The following PEBP4 variants were observed in gnomAD, a reference collection of about 807,000 sequenced individuals.
PEBP4 encodes the protein phosphatidylethanolamine binding protein 4.
Under a neutral mutation model 23.9 loss-of-function variants are expected in PEBP4, and 22 were observed. The ratio of observed to expected loss-of-function variants is 0.92; its 90% CI spans 0.66 to 1.31. The LOEUF (loss-of-function observed/expected upper bound fraction) is 1.31. PEBP4 is among the 40% of genes most tolerant of loss of function. PEBP4 has a pLI of 0.00. For missense variants in PEBP4, 324 were observed against 281.7 expected (o/e 1.15, Z -1.07); for synonymous variants, 112 against 99.3 (o/e 1.13, Z -0.76).
intron 4 of PEBP4, among the ~76,000 whole-genome samples, chr8:22,728,653 A>G (rs1804674083): frequency 1.4e-5 from 2 of 141,828 alleles, no homozygotes; most frequent in South Asian, 4.3e-4. Context: ...GCTGGAGTGC[A>G]GTGGTACGAT....
intron 4 of PEBP4, among the ~76,000 whole-genome samples, chr8:22,793,393 T>C (rs990153335): frequency 6.6e-5 from 10 of 151,548 alleles, no homozygotes; most frequent in African/African-American, 2.4e-4. Flanking sequence ...CAGCCTCCCA[T>C]GTAGCTGGGA....
intron 6 of PEBP4, among the ~76,000 whole-genome samples, chr8:22,718,017 C>G (rs1285551609): frequency 2.0e-5 from 3 of 152,196 alleles, no homozygotes; most frequent in African/African-American, 7.2e-5. Flanking sequence ...GACTTCCACT[C>G]AGGACCTGAA....
chr8:22,812,742 A>G (rs1390332334), intron 4 of PEBP4, among the ~76,000 whole-genome samples: 2 of 152,218 alleles, frequency 1.3e-5, no homozygotes, highest in Non-Finnish European at 2.9e-5. Flanking sequence ...TTCTGGATAT[A>G]TAGAAAATGA....
At chr8:22,738,861 A>G (rs1362969649) in intron 4 of PEBP4, among the ~76,000 whole-genome samples, 1 of 152,102 alleles carries the variant, frequency 6.6e-6, no homozygotes, top group African/African-American at 2.4e-5. Context: ...ATGCACACAC[A>G]TGCTCACACA....
At chr8:22,806,371 C>T (rs1342505844) in intron 4 of PEBP4, among the ~76,000 whole-genome samples, 5 of 152,108 alleles carry the variant, frequency 3.3e-5, no homozygotes. Context: ...GATCCCAGCA[C>T]TTTGGGAGGC....
Position 22,926,265 on chromosome 8 carries a change from C to T in PEBP4, c.131+1319G>A, listed in dbSNP as rs115423468. ...TCTTGGGATTACAGGTGTGAGCCAC[C>T]GTGCCCAGCCTACACCCAGAACTAT... On this transcript the variant is annotated intron_variant, in intron 2 of 6. Coordinates refer to ENST00000256404, the MANE Select transcript of PEBP4 (RefSeq NM_144962.3). 2.3e-3 allele frequency among the ~76,000 whole-genome samples: 353 copies of T among 152,162 alleles called. 3 individuals carry two copies. The highest frequency in any genetic ancestry group is 8.2e-3 in the African/African-American group (342 of 41,486).
In PEBP4 at chr8:22,713,260, ATTTT is replaced by A; in HGVS notation, c.*106_*109del. The A allele has an allele frequency of 7.5e-7, 1 of 1,329,852 alleles. No individual in the cohort carries two copies. Among genetic ancestry groups the A allele is most frequent in the Non-Finnish European group, 9.8e-7 (1 of 1,018,728 alleles). The allele number at this position is 1,329,852 out of a possible 1,614,324, so 82.4% of individuals were successfully genotyped here. A position where few individuals can be genotyped will look rare whatever the true frequency, so the allele number is the denominator to read the frequency against. Reference sequence around the variant, plus strand: ...GATACAAAGCACCAAGCCCTGGATGATTTTTTTTTTATTTGGAAAAGAAGGGGTT... The same window carrying A: ...GATACAAAGCACCAAGCCCTGGATGATTTTTTATTTGGAAAAGAAGGGGTT... On this transcript the variant is annotated 3_prime_UTR_variant, in exon 7 of 7. Transcript: ENST00000256404.
chr8:22,750,234 T>C (rs1585252589), intron 4 of PEBP4, among the ~76,000 whole-genome samples: 1 of 152,156 alleles, frequency 6.6e-6, no homozygotes, highest in African/African-American at 2.4e-5. Flanking sequence ...CCTGAGTAGC[T>C]GGGATTACAG....
chr8:22,834,040 A>G (rs1334387614), intron 3 of PEBP4, among the ~76,000 whole-genome samples: 2 of 152,214 alleles, frequency 1.3e-5, no homozygotes, highest in African/African-American at 2.4e-5. Context: ...CTTCATAAAG[A>G]GGACAATCTT....
intron 4 of PEBP4, among the ~76,000 whole-genome samples, chr8:22,765,071 A>T (rs1805579806): frequency 6.6e-6 from 1 of 151,704 alleles, no homozygotes; most frequent in Non-Finnish European, 1.5e-5. Flanking sequence ...TTCCCATCGC[A>T]TCGTCACCGG....
chr8:22,864,582 G>A (rs1412093145), intron 3 of PEBP4, among the ~76,000 whole-genome samples: 2 of 152,172 alleles, frequency 1.3e-5, no homozygotes, highest in Non-Finnish European at 2.9e-5. Flanking sequence ...GGGGAGGGGT[G>A]AGGAGAAGCA....
At chr8:22,936,931 A>G (rs1809548715) in intron 1 of PEBP4, among the ~76,000 whole-genome samples, 1 of 152,214 alleles carries the variant, frequency 6.6e-6, no homozygotes, top group African/African-American at 2.4e-5. Context: ...CAAACTAGGA[A>G]GGGAAAGAAG....
intron 3 of PEBP4, among the ~76,000 whole-genome samples, chr8:22,903,321 G>A (rs930873610): frequency 4.6e-5 from 7 of 152,178 alleles, no homozygotes; most frequent in South Asian, 2.1e-4. Flanking sequence ...TCTATAAAAC[G>A]GGGATAATGA....
At chr8:22,898,848 G>A (rs1043952895) in intron 3 of PEBP4, among the ~76,000 whole-genome samples, 10 of 152,190 alleles carry the variant, frequency 6.6e-5, no homozygotes, top group African/African-American at 2.4e-4. Context: ...GGGTCCTGAG[G>A]AGGCCCCCTT....
chr8:22,812,107 C>T (rs565324731), intron 4 of PEBP4, among the ~76,000 whole-genome samples: 5 of 152,138 alleles, frequency 3.3e-5, no homozygotes, highest in Non-Finnish European at 5.9e-5. Context: ...TTTTCCTTGT[C>T]TCCACTCTGA....
At chr8:22,822,416 A>G (rs1227341336) in intron 3 of PEBP4, among the ~76,000 whole-genome samples, 2 of 152,038 alleles carry the variant, frequency 1.3e-5, no homozygotes, top group Non-Finnish European at 2.9e-5. Flanking sequence ...AAAACTGTAC[A>G]TAGTATCTGA....
intron 6 of PEBP4, among the ~76,000 whole-genome samples, chr8:22,717,888 C>T (rs566702261): frequency 1.6e-4 from 24 of 152,220 alleles, no homozygotes; most frequent in African/African-American, 4.8e-4. Flanking sequence ...TGGCTCGTCA[C>T]GGGACCGGCC....
intron 2 of PEBP4, chr8:22,924,912 A>G (rs1809291717): frequency 1.0e-6 from 1 of 985,238 alleles, no homozygotes; most frequent in African/African-American, 1.7e-5. Context: ...AGTACATAAA[A>G]TTCCTCCCTT....
At chr8:22,829,803 C>T (rs1807042953) in intron 3 of PEBP4, among the ~76,000 whole-genome samples, 1 of 152,208 alleles carries the variant, frequency 6.6e-6, no homozygotes, top group South Asian at 2.1e-4. Context: ...TTGTCTCCTC[C>T]CTGCTTCACA....
Sources: allele counts gnomAD v4.1 joint callset (sites outside exome capture counted in the v4.1 genomes callset), GRCh38; gene constraint gnomAD v4.1.1; transcripts MANE v1.5; gene names NCBI Gene and HGNC (gene_info 2026-07-23, HGNC 2026-07-21).